Variants in NBAS observed in about 807,000 individuals in gnomAD.
NBAS encodes NAG/BC035112 fusion.
A neutral mutation model predicts 302.5 loss-of-function variants in NBAS; 219 were observed. The ratio of observed to expected loss-of-function variants is 0.72; its 90% CI spans 0.65 to 0.81. The LOEUF (loss-of-function observed/expected upper bound fraction) is 0.81, where lower values mean the gene tolerates loss of function less well. Ranked by LOEUF, NBAS falls within the 30% of genes least tolerant of loss-of-function variation. NBAS has a pLI of 0.00. For synonymous variants in NBAS, 1,118 were observed against 1,021.6 expected (o/e 1.09, Z -1.80); for missense variants, 2,932 against 2,841.6 (o/e 1.03, Z -0.72).
At chr2:15,309,419 T>C (rs577428880) in intron 38 of NBAS, among the ~76,000 whole-genome samples, 172 bp from the exon 39 acceptor site, 12 of 152,240 alleles carry the variant, frequency 7.9e-5, no homozygotes, top group Non-Finnish European at 8.8e-5. Flanking sequence ...CTGTGTTAAA[T>C]AGTAACCTTG....
chr2:15,117,903 A>C, the NBAS span, among the ~76,000 whole-genome samples: 3 of 152,206 alleles, frequency 2.0e-5, no homozygotes, highest in African/African-American at 7.2e-5. Flanking sequence ...CACAGGCTAC[A>C]CAGCCCTTTC....
At chr2:15,510,497 G>C (rs1295552378) in intron 10 of NBAS, among the ~76,000 whole-genome samples, 2 of 152,166 alleles carry the variant, frequency 1.3e-5, no homozygotes, top group Admixed American at 1.3e-4. Flanking sequence ...GGAGAGTCAT[G>C]ATCTCAACAT....
chr2:15,221,426 A>G (rs1406015583), intron 47 of NBAS, among the ~76,000 whole-genome samples: 1 of 152,212 alleles, frequency 6.6e-6, no homozygotes, highest in African/African-American at 2.4e-5. Context: ...CATAATAACA[A>G]TCTTCACCAT....
At chr2:14,965,058 A>G in the NBAS span, among the ~76,000 whole-genome samples, 2 of 152,144 alleles carry the variant, frequency 1.3e-5, no homozygotes. Flanking sequence ...AATTTATAAT[A>G]CTAGATACCT....
At chr2:15,379,885 A>T in intron 29 of NBAS, 54 bp from the exon 30 acceptor site, 3 of 1,500,748 alleles carry the variant, frequency 2.0e-6, no homozygotes, top group Non-Finnish European at 2.8e-6. Flanking sequence ...TTCAGTTCTC[A>T]GTGAAATGAA....
At chr2:15,352,341 G>C (rs1673401231) in intron 34 of NBAS, among the ~76,000 whole-genome samples, 1 of 152,152 alleles carries the variant, frequency 6.6e-6, no homozygotes, top group Non-Finnish European at 1.5e-5. Flanking sequence ...TTCAGGTCTG[G>C]AACAGCCTCA....
At chr2:15,389,561 T>C (rs1007224333) in intron 28 of NBAS, among the ~76,000 whole-genome samples, 1 of 152,188 alleles carries the variant, frequency 6.6e-6, no homozygotes, top group Non-Finnish European at 1.5e-5. Context: ...AATTTCCTAA[T>C]ATGACTTCCT....
chr2:15,160,684 A>G, the NBAS span, among the ~76,000 whole-genome samples: 18 of 150,992 alleles, frequency 1.2e-4, no homozygotes, highest in Non-Finnish European at 1.2e-4. Context: ...GGAATCCCCC[A>G]TTGACCAATC....
chr2:14,791,333 G>A, the NBAS span, among the ~76,000 whole-genome samples: 2 of 152,144 alleles, frequency 1.3e-5, no homozygotes, highest in African/African-American at 4.8e-5. Context: ...TTTATCCCTA[G>A]TATACAGTTG....
At chr2:15,334,519 C>T (rs1414953088) in intron 35 of NBAS, among the ~76,000 whole-genome samples, 1 of 152,134 alleles carries the variant, frequency 6.6e-6, no homozygotes, top group Admixed American at 6.6e-5. Flanking sequence ...TCAAAGTGTT[C>T]ACTTGTTCTT....
intron 10 of NBAS, among the ~76,000 whole-genome samples, chr2:15,508,323 T>TCC (rs1661969255): frequency 6.6e-6 from 1 of 152,130 alleles, no homozygotes; most frequent in African/African-American, 2.4e-5. Flanking sequence ...AATACTTCAG[T>TCC]AAGGTGCAAA....
the NBAS span, among the ~76,000 whole-genome samples, chr2:15,062,551 TCTAAAG>T: frequency 6.6e-6 from 1 of 152,114 alleles, no homozygotes; most frequent in East Asian, 1.9e-4. Context: ...ATGATTTTCT[TCTAAAG>T]GGCATGCAAT....
intron 38 of NBAS, among the ~76,000 whole-genome samples, chr2:15,322,668 T>C (rs1283139995): frequency 1.3e-5 from 2 of 152,134 alleles, no homozygotes; most frequent in Non-Finnish European, 2.9e-5. Flanking sequence ...TCAGATTATG[T>C]TAGGAAGTTT....
At position 15,292,529 on chromosome 2, in the gene NBAS, T is replaced by A. The variant is rs768789417; in HGVS notation, c.5027+8A>T. Reference sequence around the variant, plus strand: ...CCATCCCCTTATGAAACAAAGGGTATCACTTACTCTGCCAGACCAAGGATA... The same window carrying A: ...CCATCCCCTTATGAAACAAAGGGTAACACTTACTCTGCCAGACCAAGGATA... On this transcript the variant is annotated splice_region_variant and intron_variant, in intron 41 of 51. Transcript: ENST00000281513. The A allele has an allele frequency of 6.8e-5, 110 of 1,613,100 alleles. No homozygotes were observed. Among genetic ancestry groups the A allele is most frequent in the Non-Finnish European group, 2.1e-5 (25 of 1,179,168 alleles).
At chr2:14,986,894 A>G in the NBAS span, among the ~76,000 whole-genome samples, 1 of 152,150 alleles carries the variant, frequency 6.6e-6, no homozygotes, top group South Asian at 2.1e-4. Flanking sequence ...CATAGGAAAA[A>G]ATGTAATAGG....
chr2:15,467,866 C>A lies in NBAS; in HGVS notation c.1878-62G>T, dbSNP rs111281611. The A allele has an allele frequency of 1.6e-3, 2,218 of 1,345,114 alleles. 23 individuals carry two copies. The African/African-American group carries it at 0.02, about 12-fold the overall frequency. The allele number at this position is 1,345,114 out of a possible 1,614,324, so 83.3% of individuals were successfully genotyped here. ...TTTAAAAACTTCGTGTTGTGAAAAG[C>A]TTTCTCCTATTTTGACTGATTTCAT... On this transcript the variant is annotated intron_variant, in intron 17 of 51. Coordinates refer to ENST00000281513, the MANE Select transcript of NBAS (RefSeq NM_015909.4).
At chr2:15,154,039 A>T in the NBAS span, among the ~76,000 whole-genome samples, 1 of 152,244 alleles carries the variant, frequency 6.6e-6, no homozygotes. Context: ...GCTGTGAAGC[A>T]TATCATGCCA....
chr2:15,153,175 A>T, the NBAS span, among the ~76,000 whole-genome samples: 3 of 152,234 alleles, frequency 2.0e-5, no homozygotes, highest in Non-Finnish European at 2.9e-5. Context: ...TCAAAGCTTG[A>T]TGTCAAAAAT....
In NBAS at chr2:15,254,525, G is replaced by C. The variant is rs557572850; in HGVS notation, c.5725-15839C>G. On this transcript the variant is annotated intron_variant, in intron 44 of 51. Coordinates refer to ENST00000281513, the MANE Select transcript of NBAS (RefSeq NM_015909.4). ...CATGTCACAAGGTTCCCAGTGCTTTGCTTTCTTTTTTTTCTTCTAAGTTAT... is the reference window on the plus strand; with the variant it reads ...CATGTCACAAGGTTCCCAGTGCTTTCCTTTCTTTTTTTTCTTCTAAGTTAT... Among the ~76,000 whole-genome samples the C allele has an allele frequency of 2.6e-5, 4 of 152,200 alleles. No individual in the cohort carries two copies. In the East Asian group the frequency reaches 7.7e-4, roughly 29 times the overall value.
Sources: gnomAD v4.1 joint callset for allele counts (sites outside exome capture counted in the v4.1 genomes callset) on GRCh38, gnomAD v4.1.1 for gene constraint, MANE v1.5 for transcripts, NCBI Gene and HGNC (gene_info 2026-07-23, HGNC 2026-07-21) for gene names.